The following ADSS1 variants were observed in gnomAD, a reference collection of about 807,000 sequenced individuals.
ADSS1 encodes adenylosuccinate synthase 1, also known as adenylosuccinate synthetase isozyme 1.
In ADSS1, 57 loss-of-function variants were observed where a neutral mutation model predicts 59.1. That is an observed-to-expected ratio of 0.97 (90% CI 0.78 to 1.20). The LOEUF (loss-of-function observed/expected upper bound fraction) is 1.20. Ranked by LOEUF, ADSS1 falls within the 50% of genes most tolerant of loss-of-function variation. The probability of loss-of-function intolerance (pLI) is 0.00; values close to 1 mark genes in which losing one functional copy is unlikely to be tolerated. For synonymous variants in ADSS1, 247 were observed against 249.4 expected (o/e 0.99, Z 0.09); for missense variants, 603 against 610.3 (o/e 0.99, Z 0.13).
chr14:104,724,591 C>T (rs1382752806), intron 1 of ADSS1, 129 bp downstream of exon 1: 1 of 1,200,978 alleles, frequency 8.3e-7, no homozygotes, highest in African/African-American at 1.6e-5. Context: ...TCCGGGAGCA[C>T]CTTTCCCAGG....
intron 1 of ADSS1, among the ~76,000 whole-genome samples, chr14:104,731,700 C>G (rs1030047483): frequency 4.6e-5 from 7 of 152,200 alleles, no homozygotes; most frequent in African/African-American, 1.4e-4. Context: ...GGAGCCGTGC[C>G]TGAGCAGGGC....
intron 2 of ADSS1, among the ~76,000 whole-genome samples, chr14:104,735,655 T>A (rs1891093087): frequency 6.6e-6 from 1 of 152,152 alleles, no homozygotes; most frequent in African/African-American, 2.4e-5. Flanking sequence ...CAGTCCGTGC[T>A]GCAGAGGGAC....
Position 104,746,962 on chromosome 14 carries a change from G to A in ADSS1, c.1333G>A (p.Gly445Ser). The A allele has an allele frequency of 6.2e-7, 1 of 1,614,062 alleles. No individual in the cohort carries two copies. Among genetic ancestry groups the A allele is most frequent in the South Asian group, 1.1e-5 (1 of 91,066 alleles). Residue 445 changes from glycine (G) to serine (S), a missense_variant, in exon 13 of 13, where the codon GGT becomes AGT. Coordinates refer to ENST00000330877, the MANE Select transcript of ADSS1 (RefSeq NM_152328.5). The part of the protein sequence containing the change: ...NHVGVAVKWV[G>S]VGKSRESMIQ... ...TTCTGCTCTCTCAGTCAAATGGGTT[G>A]GTGTTGGCAAGTCAAGAGAGTCGAT...
Position 104,740,602 on chromosome 14 carries a change from A to G in ADSS1, c.478A>G (p.Ile160Val), listed in dbSNP as rs1891307969. The G allele has an allele frequency of 6.2e-7, 1 of 1,613,410 alleles. No individual in the cohort carries two copies. The highest frequency in any genetic ancestry group is 8.5e-7 in the Non-Finnish European group (1 of 1,179,960). The stretch of plus-strand genomic sequence containing the variant: ...GGGTACCCACTCCCCATCTTTCAGT[A>G]TAGGCACCACCAAGAAGGGAATCGG... ...VQRQAQEGKN[I>V]GTTKKGIGPT... is the part of the protein sequence containing the mutation. Residue 160 changes from isoleucine (I) to valine (V), a missense_variant and splice_region_variant, in exon 6 of 13, where the codon ATA becomes GTA. By Grantham distance (29) the Ile-to-Val change is conservative. Transcript: ENST00000330877. The surrounding 1 kb of genome is among the most constrained non-coding windows in gnomAD (Gnocchi z 4.8).
chr14:104,727,137 A>T (rs1478491075), intron 1 of ADSS1, among the ~76,000 whole-genome samples: 1 of 152,006 alleles, frequency 6.6e-6, no homozygotes, highest in African/African-American at 2.4e-5. Context: ...AAAGCCCCGC[A>T]CGGCTCGCCT....
At chr14:104,724,700 G>A (rs920782974) in intron 1 of ADSS1, among the ~76,000 whole-genome samples, 6 of 151,936 alleles carry the variant, frequency 3.9e-5, no homozygotes, top group South Asian at 2.1e-4. Context: ...CCCCGGCAGC[G>A]GGCCAGGGCA....
chr14:104,744,592 A>T lies in ADSS1; in HGVS notation c.1074-220A>T, dbSNP rs555490135. ...AGGGTTCAGGCTCCTGTGAGAATTG[A>T]ATGACAGGAGGTGGAGCTCAGGCCG... On this transcript the variant is annotated intron_variant, in intron 10 of 12. Coordinates refer to ENST00000330877, the MANE Select transcript of ADSS1 (RefSeq NM_152328.5). 4.9e-4 allele frequency: 275 copies of T among 566,918 alleles called. 5 individuals carry two copies. The East Asian group carries it at 8.0e-3, about 17-fold the overall frequency. 35.1% of individuals were successfully genotyped at this position (566,918 alleles called of 1,614,324 possible). A position where few individuals can be genotyped will look rare whatever the true frequency, so the allele number is the denominator to read the frequency against.
At chr14:104,738,337 G>C in intron 2 of ADSS1, 39 bp from the exon 3 acceptor site, 1 of 1,609,136 alleles carries the variant, frequency 6.2e-7, no homozygotes, top group South Asian at 1.1e-5. Flanking sequence ...CAGTGTCTGG[G>C]ACACAACTCT....
chr14:104,730,115 G>A lies in ADSS1; in HGVS notation c.193-4905G>A, dbSNP rs1250551469. On this transcript the variant is annotated intron_variant, in intron 1 of 12. Transcript: ENST00000330877. Reference sequence around the variant, plus strand: ...CCCAACTAGGGTGACGCTGGGAGAGGAGAGGGCTTGGAGGAGCCACGGGTC... The same window carrying A: ...CCCAACTAGGGTGACGCTGGGAGAGAAGAGGGCTTGGAGGAGCCACGGGTC... 5.8e-6 allele frequency: 9 copies of A among 1,549,070 alleles called. No individual in the cohort carries two copies. The Admixed American group carries it at 9.8e-5, about 17-fold the overall frequency.
intron 2 of ADSS1, among the ~76,000 whole-genome samples, chr14:104,735,678 C>T (rs903950775): frequency 6.6e-6 from 1 of 152,142 alleles, no homozygotes; most frequent in Admixed American, 6.5e-5. Context: ...CCTTCCACAT[C>T]GCCTGCCCCC....
chr14:104,744,333 C>T lies in ADSS1; in HGVS notation c.1074-479C>T, dbSNP rs142161122. On this transcript the variant is annotated intron_variant, in intron 10 of 12. Coordinates refer to ENST00000330877, the MANE Select transcript of ADSS1 (RefSeq NM_152328.5). Reference sequence around the variant, plus strand: ...CACCCTCTGGCATGTTTGTCAATGGCGCTTTTTTGGGATCACTTAATCTCT... The same window carrying T: ...CACCCTCTGGCATGTTTGTCAATGGTGCTTTTTTGGGATCACTTAATCTCT... The T allele has an allele frequency of 3.8e-3, 583 of 154,204 alleles. 2 individuals are homozygous for T. The highest frequency in any genetic ancestry group is 0.013 in the African/African-American group (539 of 41,548). 9.6% of individuals were successfully genotyped at this position (154,204 alleles called of 1,614,324 possible). A position where few individuals can be genotyped will look rare whatever the true frequency, so the allele number is the denominator to read the frequency against.
intron 1 of ADSS1, among the ~76,000 whole-genome samples, chr14:104,726,572 C>G (rs1890723522): frequency 2.0e-5 from 3 of 152,220 alleles, no homozygotes; most frequent in Non-Finnish European, 4.4e-5. Flanking sequence ...TGTCTGACCA[C>G]CCCATGTCGT....
Position 104,740,548 on chromosome 14 carries a change from T to G in ADSS1, c.477-53T>G. 30 of 1,546,978 alleles carry G rather than the reference T, an allele frequency of 1.9e-5. No homozygotes were observed. Among genetic ancestry groups the G allele is most frequent in the Non-Finnish European group, 2.6e-5 (29 of 1,127,122 alleles). The stretch of plus-strand genomic sequence containing the variant: ...GGGGTCATGGCCTCAGTGGGATGCC[T>G]GAGCTCCTCAGGGCTCCTGGGTTCT... On this transcript the variant is annotated intron_variant, in intron 5 of 12. Coordinates refer to ENST00000330877, the MANE Select transcript of ADSS1 (RefSeq NM_152328.5). The surrounding 1 kb of genome is among the most constrained non-coding windows in gnomAD (Gnocchi z 4.8).
Position 104,743,083 on chromosome 14 carries a change from T to G in ADSS1, c.965T>G (p.Leu322Arg). ...CTCATGTAGGAGATTGGAGGCCTGC[T>G]GCAGACCCGCGGCCACGAGTGGGGA... is the stretch of plus-strand genomic sequence containing the variant. ...TEQINEIGGLLQTRGHEWGVT... is the reference protein window; with the variant it reads ...TEQINEIGGLRQTRGHEWGVT... Residue 322 changes from leucine (L) to arginine (R), a missense_variant, in exon 10 of 13, where the codon CTG becomes CGG. Physicochemically the swap from Leu to Arg is moderately radical, Grantham distance 102. Coordinates refer to ENST00000330877, the MANE Select transcript of ADSS1 (RefSeq NM_152328.5). The G allele has an allele frequency of 6.2e-7, 1 of 1,613,086 alleles. No individual in the cohort carries two copies. The highest frequency in any genetic ancestry group is 8.5e-7 in the Non-Finnish European group (1 of 1,179,982).
intron 9 of ADSS1, among the ~76,000 whole-genome samples, chr14:104,742,258 G>T (rs141921975): frequency 6.6e-6 from 1 of 152,264 alleles, no homozygotes; most frequent in Non-Finnish European, 1.5e-5. Context: ...ACGTGACCTC[G>T]TTCCCCTCGG....
Position 104,739,331 on chromosome 14 carries a change from T to A in ADSS1, c.362T>A (p.Leu121Gln), listed in dbSNP as rs1379444681. ...CCTGTGTGCCGTGTCCCCGCAGGCC[T>A]GAAGGACTGGGAGAAGAGGCTCATC... ...EEAEKNEKKGLKDWEKRLIIS... is the reference protein window; with the variant it reads ...EEAEKNEKKGQKDWEKRLIIS... The change falls in exon 4 of 13, where the codon CTG becomes CAG. Residue 121 changes from leucine to glutamine, a missense_variant. Transcript: ENST00000330877. The A allele has an allele frequency of 4.4e-6, 7 of 1,608,448 alleles. No homozygotes were observed. The highest frequency in any genetic ancestry group is 1.3e-5 in the African/African-American group (1 of 74,814).
In ADSS1 at chr14:104,733,926, G is replaced by T. The variant is rs549810186; in HGVS notation, c.193-1094G>T. ...CATCCAGTGGCTGGCCAGAAGTGGG[G>T]CTGGAGACCTGGCCTTCTCTCCTGG... On this transcript the variant is annotated intron_variant, in intron 1 of 12. Transcript: ENST00000330877. Among the ~76,000 whole-genome samples the T allele has an allele frequency of 1.1e-4, 17 of 152,356 alleles. No individual in the cohort carries two copies. In the East Asian group the frequency reaches 3.3e-3, roughly 29 times the overall value.
chr14:104,725,599 C>T (rs575097010), intron 1 of ADSS1, among the ~76,000 whole-genome samples: 8 of 152,268 alleles, frequency 5.3e-5, no homozygotes, highest in Admixed American at 5.2e-4. Context: ...TCCCCCCTTG[C>T]TCTCCGTCCT....
intron 1 of ADSS1, among the ~76,000 whole-genome samples, chr14:104,734,455 G>T (rs1321098430): frequency 1.3e-5 from 2 of 152,254 alleles, no homozygotes; most frequent in African/African-American, 4.8e-5. Flanking sequence ...TGGCAGGAGG[G>T]GGATTGGAGC....
Sources: allele counts gnomAD v4.1 joint callset (sites outside exome capture counted in the v4.1 genomes callset), GRCh38; gene constraint gnomAD v4.1.1; non-coding constraint Gnocchi (gnomAD v3.1); transcripts MANE v1.5; gene names NCBI Gene and HGNC (gene_info 2026-07-23, HGNC 2026-07-21).